The following KIF13B variants were observed in gnomAD, a reference collection of about 807,000 sequenced individuals.
KIF13B encodes kinesin-like protein KIF13B.
In KIF13B, 127 loss-of-function variants were observed where a neutral mutation model predicts 222.0. The ratio of observed to expected loss-of-function variants is 0.57; its 90% CI spans 0.50 to 0.66. The LOEUF is 0.66. Ranked by LOEUF, KIF13B falls within the 30% of genes least tolerant of loss-of-function variation. The pLI is 0.00. For synonymous variants in KIF13B, 976 were observed against 919.0 expected, an observed-to-expected ratio of 1.06 and a Z score of -1.12; for missense variants, 2,173 against 2,379.0, an observed-to-expected ratio of 0.91 and a Z score of 1.80.
intron 2 of KIF13B, among the ~76,000 whole-genome samples, chr8:29,207,447 G>T (rs759741883): frequency 1.6e-4 from 24 of 152,106 alleles, no homozygotes; most frequent in Non-Finnish European, 3.2e-4. Context: ...CACAGAAGGC[G>T]TTTCTTTCCG....
intron 1 of KIF13B, 96 bp downstream of exon 1, chr8:29,262,884 G>C (rs949669825): frequency 2.0e-6 from 2 of 991,458 alleles, no homozygotes; most frequent in South Asian, 3.6e-5. Flanking sequence ...CTGACTATAG[G>C]GGCGGGGCCG....
chr8:29,132,007 GA>G (rs1810365023), intron 23 of KIF13B, among the ~76,000 whole-genome samples: 1 of 152,204 alleles, frequency 6.6e-6, no homozygotes, highest in South Asian at 2.1e-4. Flanking sequence ...AGCACTTTGG[GA>G]GGGTGAGGTG....
At chr8:29,129,484 T>G (rs138372772) in intron 24 of KIF13B, among the ~76,000 whole-genome samples, 454 of 152,328 alleles carry the variant, frequency 3.0e-3, no homozygotes, top group African/African-American at 0.01. Flanking sequence ...ATTCAGAAAC[T>G]TAAACATGTA....
chr8:29,083,099 A>T (rs535039950), intron 37 of KIF13B, among the ~76,000 whole-genome samples: 1 of 152,352 alleles, frequency 6.6e-6, no homozygotes, highest in African/African-American at 2.4e-5. Context: ...ACTGCACTCC[A>T]GCCTGGGCAA....
At chr8:29,083,248 T>C (rs750932349) in intron 37 of KIF13B, among the ~76,000 whole-genome samples, 2 of 152,264 alleles carry the variant, frequency 1.3e-5, no homozygotes, top group South Asian at 2.1e-4. Context: ...ATAAAAATTA[T>C]GTAAAATTCA....
chr8:29,232,036 C>T (rs1173319878), intron 2 of KIF13B, among the ~76,000 whole-genome samples: 1 of 152,274 alleles, frequency 6.6e-6, no homozygotes, highest in South Asian at 2.1e-4. Flanking sequence ...AAGCTAATCA[C>T]GTGAGCCCAG....
At chr8:29,223,190 A>C (rs1401584895) in intron 2 of KIF13B, among the ~76,000 whole-genome samples, 1 of 150,032 alleles carries the variant, frequency 6.7e-6, no homozygotes, top group Non-Finnish European at 1.5e-5. Context: ...AAAAAAAAAA[A>C]CTTAGCCAGG....
chr8:29,070,823 C>T lies in KIF13B; in HGVS notation c.5219-57G>A. 1.3e-6 allele frequency: 2 copies of T among 1,549,224 alleles called. No homozygotes were observed. Among genetic ancestry groups the T allele is most frequent in the South Asian group, 1.2e-5 (1 of 84,302 alleles). ...CAGCCGAGCTGCAGACGGCCCCCTG[C>T]ACCTCCCTTACCTCTGCAGAGGCCA... is the stretch of plus-strand genomic sequence containing the variant. On this transcript the variant is annotated intron_variant, in intron 39 of 39. Transcript: ENST00000524189. This position sits in a 1 kb window ranked among gnomAD's most constrained non-coding sequence, Gnocchi z 4.1.
chr8:29,247,635 C>T (rs1816087855), intron 1 of KIF13B, among the ~76,000 whole-genome samples: 1 of 151,736 alleles, frequency 6.6e-6, no homozygotes, highest in African/African-American at 2.4e-5. Flanking sequence ...TTGAGACCAG[C>T]CTGGGCAACA....
At position 29,140,603 on chromosome 8, in the gene KIF13B, G is replaced by A. The variant is rs372144572; in HGVS notation, c.2349C>T (p.Tyr783=). 105 of 1,612,924 alleles carry A rather than the reference G, an allele frequency of 6.5e-5. No homozygotes were observed. The highest frequency in any genetic ancestry group is 7.9e-5 in the Non-Finnish European group (93 of 1,179,518). The change falls in exon 20 of 40, where the codon TAC becomes TAT. Residue 783 remains tyrosine, a synonymous_variant. Coordinates refer to ENST00000524189, the MANE Select transcript of KIF13B (RefSeq NM_015254.4). ...CEEDNPVIRS[Y]FKRADPFYDE... Reference sequence around the variant, plus strand: ...CATAGAATGGATCAGCACGTTTGAAGTATGATCGTATTACCTGTAAAGAGA... The same window carrying A: ...CATAGAATGGATCAGCACGTTTGAAATATGATCGTATTACCTGTAAAGAGA...
intron 36 of KIF13B, among the ~76,000 whole-genome samples, chr8:29,096,525 AC>A (rs1369075879): frequency 6.7e-6 from 1 of 150,128 alleles, no homozygotes; most frequent in Non-Finnish European, 1.5e-5. Context: ...GTCTCAACTA[AC>A]CCACACCTAG....
upstream of KIF13B, chr8:29,263,100 G>A: frequency 7.6e-6 from 10 of 1,313,938 alleles, no homozygotes; most frequent in South Asian, 1.0e-4. Context: ...CTTCGGGGTT[G>A]ACCCGGCGGG....
chr8:29,126,373 C>A, intron 26 of KIF13B, 109 bp downstream of exon 26: 4 of 732,242 alleles, frequency 5.5e-6, no homozygotes, highest in Non-Finnish European at 2.3e-6. Flanking sequence ...ACAAAAAAAT[C>A]AGTATGAATT....
At chr8:29,181,812 A>C (rs952835844) in intron 7 of KIF13B, 107 bp downstream of exon 7, 8 of 623,912 alleles carry the variant, frequency 1.3e-5, no homozygotes, top group African/African-American at 1.1e-4. Flanking sequence ...TTATTAAGTG[A>C]TGCTATTATA....
chr8:29,127,356 GA>G, intron 24 of KIF13B, 88 bp from the exon 25 acceptor site: 2 of 1,141,382 alleles, frequency 1.8e-6, no homozygotes, highest in Admixed American at 2.3e-5. Context: ...CTGATGTTGA[GA>G]AAAATGTTTA....
At chr8:29,154,033 G>T (rs542518565) in intron 14 of KIF13B, among the ~76,000 whole-genome samples, 1 of 152,182 alleles carries the variant, frequency 6.6e-6, no homozygotes, top group African/African-American at 2.4e-5. Context: ...GGATCTTGGC[G>T]AGGCACAGTA....
At chr8:29,253,967 A>C (rs187174174) in intron 1 of KIF13B, among the ~76,000 whole-genome samples, 57 of 152,336 alleles carry the variant, frequency 3.7e-4, no homozygotes, top group Admixed American at 2.9e-3. Flanking sequence ...TAATCAAGAC[A>C]GTGTGGTACT....
intron 37 of KIF13B, among the ~76,000 whole-genome samples, chr8:29,082,630 C>A (rs913451664): frequency 1.3e-5 from 2 of 151,722 alleles, no homozygotes; most frequent in East Asian, 3.9e-4. Context: ...CAGAGCAAGA[C>A]CTTGTCAGAA....
chr8:29,156,315 A>G (rs1257522505), intron 13 of KIF13B, among the ~76,000 whole-genome samples: 2 of 152,170 alleles, frequency 1.3e-5, no homozygotes, highest in Non-Finnish European at 2.9e-5. Context: ...TGGTTGAAAC[A>G]AAAACAGGAA....
Sources: allele counts gnomAD v4.1 joint callset (sites outside exome capture counted in the v4.1 genomes callset), GRCh38; gene constraint gnomAD v4.1.1; non-coding constraint Gnocchi (gnomAD v3.1); transcripts MANE v1.5; gene names NCBI Gene and HGNC (gene_info 2026-07-23, HGNC 2026-07-21).